The following BBS12 variants were observed in gnomAD, a reference collection of about 807,000 sequenced individuals.
The protein encoded by BBS12 is chaperonin-containing T-complex member BBS12.
Under a neutral mutation model 5.6 loss-of-function variants are expected in BBS12, and 5 were observed. The ratio of observed to expected loss-of-function variants is 0.89; its 90% CI spans 0.46 to 1.86. BBS12 has a LOEUF of 1.86. Among genes scored for constraint, BBS12 ranks in the 40% most tolerant of loss-of-function variants. The pLI is 0.01. For synonymous variants in BBS12, 308 were observed against 306.8 expected (o/e 1.00, Z -0.04); for missense variants, 748 against 830.4 (o/e 0.90, Z 1.22).
At chr4:122,707,444 C>T in the BBS12 span, among the ~76,000 whole-genome samples, 340 of 152,208 alleles carry the variant, frequency 2.2e-3, no homozygotes, top group Non-Finnish European at 3.9e-3. Context: ...GAATATAGAT[C>T]TATATATCAC....
the BBS12 span, among the ~76,000 whole-genome samples, chr4:122,708,458 CTT>C: frequency 6.6e-6 from 1 of 152,112 alleles, no homozygotes; most frequent in African/African-American, 2.4e-5. Context: ...TGCCCACCCT[CTT>C]AAGCTTTGGA....
chr4:122,739,584 C>G (rs1377918194), intron 1 of BBS12, among the ~76,000 whole-genome samples: 1 of 152,236 alleles, frequency 6.6e-6, no homozygotes, highest in Non-Finnish European at 1.5e-5. Flanking sequence ...CAGGAATTCT[C>G]TCTTTCAAAG....
chr4:122,719,320 C>T, the BBS12 span, among the ~76,000 whole-genome samples: 1 of 152,166 alleles, frequency 6.6e-6, no homozygotes, highest in African/African-American at 2.4e-5. Flanking sequence ...ATGGACCAAT[C>T]AGCAGGACAT....
At chr4:122,715,722 A>G in the BBS12 span, among the ~76,000 whole-genome samples, 2 of 152,186 alleles carry the variant, frequency 1.3e-5, no homozygotes, top group Non-Finnish European at 2.9e-5. Context: ...AGAGAAGTAA[A>G]AGAAACCTAC....
chr4:122,743,921 T>C lies in BBS12; in HGVS notation c.2029T>C (p.Leu677=), dbSNP rs1578492416. The C allele has an allele frequency of 4.4e-6, 7 of 1,608,596 alleles. No homozygotes were observed. The highest frequency in any genetic ancestry group is 5.1e-6 in the Non-Finnish European group (6 of 1,177,382). Residue 677 remains leucine (L), a synonymous_variant, in exon 2 of 2, where the codon TTG becomes CTG. Transcript: ENST00000314218. ...TPKIEAWRRA[L]DLVLLVLQTD... ...AAAGATTGAGGCGTGGCGCCGAGCATTGGATTTAGTATTGTTAGTACTTCA... is the reference window on the plus strand; with the variant it reads ...AAAGATTGAGGCGTGGCGCCGAGCACTGGATTTAGTATTGTTAGTACTTCA...
chr4:122,743,172 T>A lies in BBS12; in HGVS notation c.1280T>A (p.Ile427Lys). The change falls in exon 2 of 2, where the codon ATA becomes AAA. Residue 427 changes from isoleucine to lysine, a missense_variant. Coordinates refer to ENST00000314218, the MANE Select transcript of BBS12 (RefSeq NM_152618.3). ...NVSERLIEKCINSKRLVIGSV... is the reference protein window; with the variant it reads ...NVSERLIEKCKNSKRLVIGSV... The stretch of plus-strand genomic sequence containing the variant: ...TCCGAACGCTTAATTGAAAAATGTA[T>A]AAACAGTAAGCGGTTGGTAATCGGC... 6.2e-7 allele frequency: 1 copy of A among 1,614,218 alleles called. No homozygotes were observed. Among genetic ancestry groups the A allele is most frequent in the Non-Finnish European group, 8.5e-7 (1 of 1,180,044 alleles).
rs1393314002 is a variant in BBS12, at chr4:122,742,180, C to A, written c.288C>A (p.Ser96Arg). 8 of 1,613,754 alleles carry A rather than the reference C, an allele frequency of 5.0e-6. No homozygotes were observed. The highest frequency in any genetic ancestry group is 5.1e-6 in the Non-Finnish European group (6 of 1,180,014). Reference protein sequence around the residue: ...STLLFLVGAWSSAVEECLHLG... With the variant: ...STLLFLVGAWRSAVEECLHLG... ...TTTTGTTTCTTGTTGGTGCTTGGAG[C>A]AGTGCAGTTGAAGAATGTCTTCATC... The change falls in exon 2 of 2, where the codon AGC becomes AGA. Residue 96 changes from serine to arginine, a missense_variant. By Grantham distance (110) the Ser-to-Arg change is moderately radical (BLOSUM62 -1). Coordinates refer to ENST00000314218, the MANE Select transcript of BBS12 (RefSeq NM_152618.3).
the BBS12 span, among the ~76,000 whole-genome samples, chr4:122,721,728 G>A: frequency 6.6e-6 from 1 of 152,198 alleles, no homozygotes; most frequent in African/African-American, 2.4e-5. Flanking sequence ...TGGTGGCTAG[G>A]TTCCAAGGCT....
the BBS12 span, among the ~76,000 whole-genome samples, chr4:122,700,485 C>G: frequency 6.6e-6 from 1 of 152,310 alleles, no homozygotes; most frequent in East Asian, 1.9e-4. Flanking sequence ...GTCCATGTTC[C>G]GTCCATCCTG....
the BBS12 span, among the ~76,000 whole-genome samples, chr4:122,707,402 GC>G: frequency 1.3e-5 from 2 of 151,870 alleles, no homozygotes; most frequent in Non-Finnish European, 2.9e-5. Context: ...AGATTTTCCA[GC>G]CTTCCTTTAA....
intron 1 of BBS12, 44 bp from the exon 2 acceptor site, chr4:122,741,839 T>C (rs1800876176): frequency 6.7e-7 from 1 of 1,501,254 alleles, no homozygotes; most frequent in Non-Finnish European, 9.2e-7. Flanking sequence ...TTTATAACTA[T>C]GAATTATACT....
chr4:122,733,966 CTTCA>C (rs1294606974), intron 1 of BBS12: 1 of 145,224 alleles, frequency 6.9e-6, no homozygotes, highest in Non-Finnish European at 1.5e-5. Context: ...ACTTTTCATG[CTTCA>C]TTGAGTAGAA....
the BBS12 span, among the ~76,000 whole-genome samples, chr4:122,719,495 C>G: frequency 6.6e-6 from 1 of 151,388 alleles, no homozygotes; most frequent in South Asian, 2.1e-4. Context: ...TTGTAACACT[C>G]ACCGTGAGGG....
At chr4:122,714,330 T>C in the BBS12 span, among the ~76,000 whole-genome samples, 1 of 152,208 alleles carries the variant, frequency 6.6e-6, no homozygotes, top group Non-Finnish European at 1.5e-5. Context: ...TTTGCTTGTT[T>C]AATCTACTCA....
intron 1 of BBS12, among the ~76,000 whole-genome samples, chr4:122,738,490 G>A (rs546676568): frequency 2.0e-5 from 3 of 152,302 alleles, no homozygotes; most frequent in East Asian, 1.9e-4. Context: ...GATTACAGGC[G>A]TGAGCCACTG....
the BBS12 span, among the ~76,000 whole-genome samples, chr4:122,723,494 C>T: frequency 2.0e-5 from 3 of 152,196 alleles, no homozygotes; most frequent in African/African-American, 7.2e-5. Context: ...TGTGATCCAT[C>T]CAATATGAAT....
chr4:122,733,620 C>T (rs1330386488), intron 1 of BBS12, among the ~76,000 whole-genome samples: 1 of 152,098 alleles, frequency 6.6e-6, no homozygotes, highest in South Asian at 2.1e-4. Context: ...TGCTTCTGCC[C>T]GTTCTGAATT....
At chr4:122,716,642 CACGTGTGTGTATATGCACATACACAT>C in the BBS12 span, among the ~76,000 whole-genome samples, 522 of 68,946 alleles carry the variant, frequency 7.6e-3, 11 homozygotes, top group African/African-American at 0.026. Context: ...TGTATATACA[CACGTGTGTGTATATGCACATACACAT>C]ATGTGTATAT....
the BBS12 span, among the ~76,000 whole-genome samples, chr4:122,722,821 C>G: frequency 6.6e-6 from 1 of 151,978 alleles, no homozygotes; most frequent in African/African-American, 2.4e-5. Context: ...TCTTCCTTTC[C>G]AGTCTTTATG....
Sources: gnomAD v4.1 joint callset for allele counts (sites outside exome capture counted in the v4.1 genomes callset) on GRCh38, gnomAD v4.1.1 for gene constraint, MANE v1.5 for transcripts, NCBI Gene and HGNC (gene_info 2026-07-23, HGNC 2026-07-21) for gene names.